Variants in PBRM1 observed in about 807,000 individuals in gnomAD.
PBRM1 encodes polybromo 1.
PBRM1 carries 27 observed loss-of-function variants against 194.5 expected under a neutral mutation model. The observed-to-expected ratio is 0.14, with a 90% CI of 0.10 to 0.19. The LOEUF is 0.19. Ranked by LOEUF, PBRM1 falls within the 10% of genes least tolerant of loss-of-function variation. The probability of loss-of-function intolerance (pLI) is 1.00; values close to 1 mark genes in which losing one functional copy is unlikely to be tolerated. For synonymous variants in PBRM1, 655 were observed against 693.2 expected (o/e 0.94, Z 0.87); for missense variants, 1,466 against 2,077.2 (o/e 0.71, Z 5.72).
intron 8 of PBRM1, among the ~76,000 whole-genome samples, chr3:52,643,612 A>C (rs527530421): frequency 2.6e-5 from 4 of 152,310 alleles, no homozygotes; most frequent in Admixed American, 6.5e-5. Flanking sequence ...AAGCTTTGAA[A>C]GTAGTCACCC....
At chr3:52,607,350 G>A (rs1015349478) in intron 16 of PBRM1, among the ~76,000 whole-genome samples, 10 of 152,056 alleles carry the variant, frequency 6.6e-5, no homozygotes, top group African/African-American at 2.4e-4. Context: ...GGGCATGAGG[G>A]TAAAACTGTG....
At chr3:52,614,932 T>G (rs1052130968) in intron 15 of PBRM1, among the ~76,000 whole-genome samples, 6 of 152,088 alleles carry the variant, frequency 3.9e-5, no homozygotes, top group Non-Finnish European at 8.8e-5. Flanking sequence ...TAGCTGAGTA[T>G]AGTACAGTGG....
intron 25 of PBRM1, 59 bp downstream of exon 27, chr3:52,561,708 C>T (rs1393201270): frequency 2.4e-5 from 34 of 1,404,088 alleles, no homozygotes; most frequent in Middle Eastern, 2.4e-4. Context: ...TGTCTGTGCG[C>T]GTGCATTCCT....
At chr3:52,657,191 G>T (rs1028729801) in intron 5 of PBRM1, among the ~76,000 whole-genome samples, 1 of 152,150 alleles carries the variant, frequency 6.6e-6, no homozygotes, top group Non-Finnish European at 1.5e-5. Flanking sequence ...TTTTGGTTTT[G>T]TAAGACTAAA....
At chr3:52,668,794 A>AG (rs2096890763) in intron 2 of PBRM1, 149 bp from the exon 4 acceptor site, 1 of 435,668 alleles carries the variant, frequency 2.3e-6, no homozygotes, top group Non-Finnish European at 3.9e-6. Flanking sequence ...AAAAAAAAAA[A>AG]AAAAAGAAAA....
chr3:52,575,890 T>C (rs1431943136), intron 22 of PBRM1, among the ~76,000 whole-genome samples: 1 of 151,870 alleles, frequency 6.6e-6, no homozygotes, highest in Non-Finnish European at 1.5e-5. Flanking sequence ...TGAATATAAA[T>C]GAAGAGACAA....
intron 11 of PBRM1, among the ~76,000 whole-genome samples, chr3:52,634,009 C>A (rs941466267): frequency 6.6e-6 from 1 of 152,178 alleles, no homozygotes; most frequent in African/African-American, 2.4e-5. Context: ...TTAATGAATT[C>A]TCCAGGAACT....
intron 25 of PBRM1, among the ~76,000 whole-genome samples, chr3:52,561,207 A>G (rs907532395): frequency 2.0e-5 from 3 of 152,232 alleles, no homozygotes; most frequent in African/African-American, 7.2e-5. Context: ...AAGTGATTTA[A>G]TTAGAATAAA....
At chr3:52,549,178 C>T (rs1023706417) in intron 29 of PBRM1, among the ~76,000 whole-genome samples, 2 of 152,044 alleles carry the variant, frequency 1.3e-5, no homozygotes, top group African/African-American at 4.8e-5. Flanking sequence ...AGACACCACG[C>T]CCAGCTAATT....
intron 5 of PBRM1, among the ~76,000 whole-genome samples, chr3:52,653,589 CAA>C (rs71087003): frequency 1.1e-3 from 131 of 120,584 alleles, no homozygotes; most frequent in Admixed American, 2.0e-3. Flanking sequence ...AATTCTGTCT[CAA>C]AAAAAAAAAA....
chr3:52,589,837 AT>A lies in PBRM1; in HGVS notation c.2780-583del, dbSNP rs1161650115. 3.3e-5 allele frequency among the ~76,000 whole-genome samples: 5 copies of A among 151,988 alleles called. No individual in the cohort carries two copies. The South Asian group carries it at 8.3e-4, about 25-fold the overall frequency. On this transcript the variant is annotated intron_variant, in intron 17 of 29. Transcript: ENST00000296302. ...AAATGACTTTTATTTTTATTTATTT[AT>A]TTTTTTCGAGACGGAGTTTCGCTCT...
intron 20 of PBRM1, chr3:52,585,562 CTT>C (rs1394673098): frequency 6.6e-6 from 1 of 152,240 alleles, no homozygotes; most frequent in Non-Finnish European, 1.5e-5. Context: ...GAGTTTCGCT[CTT>C]GTTGCCCAGG....
At chr3:52,671,483 C>G (rs769672098) in intron 2 of PBRM1, among the ~76,000 whole-genome samples, 1 of 152,170 alleles carries the variant, frequency 6.6e-6, no homozygotes, top group African/African-American at 2.4e-5. Context: ...TACTCTATAC[C>G]ACATAATGGT....
upstream of PBRM1, among the ~76,000 whole-genome samples, chr3:52,682,579 T>C (rs2097222514): frequency 6.6e-6 from 1 of 152,226 alleles, no homozygotes; most frequent in Non-Finnish European, 1.5e-5. Context: ...TTTCAAGTAT[T>C]TTCTTATCCA....
At chr3:52,545,902 T>C (rs1156468541), downstream of PBRM1, 2 of 233,002 alleles carry the variant, frequency 8.6e-6, no homozygotes, top group East Asian at 1.2e-4. Flanking sequence ...ATCCTAAATA[T>C]TAACGATATC....
At chr3:52,679,494 C>T (rs560110905) in intron 1 of PBRM1, 80 bp downstream of exon 2, 12 of 1,312,762 alleles carry the variant, frequency 9.1e-6, no homozygotes, top group Middle Eastern at 1.9e-4. Flanking sequence ...TGCCTTGCAT[C>T]GTAACAATTT....
exon 24 of PBRM1, chr3:52,563,483 C>T: frequency 2.5e-5 from 40 of 1,613,516 alleles, no homozygotes; most frequent in Non-Finnish European, 3.1e-5. Context: ...TTCTGAGGAA[C>T]AATTGGTTTT....
At chr3:52,636,437 ACT>A (rs2095814406) in intron 10 of PBRM1, among the ~76,000 whole-genome samples, 1 of 151,998 alleles carries the variant, frequency 6.6e-6, no homozygotes, top group Admixed American at 6.6e-5. Context: ...GTTGCTATGT[ACT>A]CTCAGGTAAG....
downstream of PBRM1, chr3:52,547,582 C>T (rs1317665732): frequency 1.3e-5 from 3 of 233,516 alleles, no homozygotes; most frequent in Non-Finnish European, 2.5e-5. Context: ...GTATACTCCC[C>T]TCTCTAAGAT....
Sources: allele counts gnomAD v4.1 joint callset (sites outside exome capture counted in the v4.1 genomes callset), GRCh38; gene constraint gnomAD v4.1.1; transcripts MANE v1.5; gene names NCBI Gene and HGNC (gene_info 2026-07-23, HGNC 2026-07-21).